Variants in MSI2 observed in about 807,000 individuals in gnomAD.
MSI2 encodes the protein RNA-binding protein Musashi homolog 2.
In MSI2, 17 loss-of-function variants were observed where a neutral mutation model predicts 45.6. That is an observed-to-expected ratio of 0.37 (90% CI 0.26 to 0.56). The LOEUF (loss-of-function observed/expected upper bound fraction) is 0.56, where lower values mean the gene tolerates loss of function less well. MSI2 is among the 20% of genes least tolerant of loss of function. MSI2 has a pLI of 0.77. For missense variants in MSI2, 293 were observed against 444.2 expected (o/e 0.66, Z 3.06); for synonymous variants, 156 against 158.2 (o/e 0.99, Z 0.11).
chr17:57,350,225 G>GGTGCGTGTGT (rs1555584687), intron 5 of MSI2, among the ~76,000 whole-genome samples: 9 of 146,636 alleles, frequency 6.1e-5, no homozygotes, highest in African/African-American at 1.8e-4. Context: ...CAGAGGTAGG[G>GGTGCGTGTGT]GTGTGTGTGT....
rs148540229 is a variant in MSI2 at position 57,257,432 on chromosome 17, TC to T, written c.104-25del. 3.7e-3 allele frequency: 3,750 copies of T among 1,023,566 alleles called. 12 individuals carry two copies. Among genetic ancestry groups the T allele is most frequent in the African/African-American group, 0.012 (697 of 56,444 alleles). The allele number at this position is 1,023,566 out of a possible 1,614,324, so 63.4% of individuals were successfully genotyped here. ...TTGCTTTTTTTTTCCACACCTTCTC[TC>T]CCCCCCCCATCTCTCTCTTTCTCTC... is the stretch of plus-strand genomic sequence containing the variant. On this transcript the variant is annotated intron_variant, in intron 2 of 13. Coordinates refer to ENST00000284073, the MANE Select transcript of MSI2 (RefSeq NM_138962.4).
At chr17:57,466,441 G>A (rs2085332303) in intron 6 of MSI2, among the ~76,000 whole-genome samples, 1 of 152,168 alleles carries the variant, frequency 6.6e-6, no homozygotes, top group Non-Finnish European at 1.5e-5. Context: ...AAGACTGTGC[G>A]ATTTCAAACA....
At position 57,682,243 on chromosome 17, in the gene MSI2, G is replaced by T. The variant is rs1279705250; in HGVS notation, c.*2726G>T. On this transcript the variant is annotated 3_prime_UTR_variant, in exon 14 of 14. Transcript: ENST00000284073. ...TTTCAAGTTTAATTTTATTTTAGCT[G>T]ATCTGATGTGGTTTCAACTAACCCA... 1 of 186,520 alleles carries T rather than the reference G, an allele frequency of 5.4e-6. No homozygotes were observed. The highest frequency in any genetic ancestry group is 1.1e-5 in the Non-Finnish European group (1 of 89,642). The allele number at this position is 186,520 out of a possible 1,614,324, so 11.6% of individuals were successfully genotyped here.
intron 6 of MSI2, among the ~76,000 whole-genome samples, chr17:57,488,277 C>T (rs2085794890): frequency 6.6e-6 from 1 of 152,232 alleles, no homozygotes; most frequent in Admixed American, 6.5e-5. Flanking sequence ...ACATCCTAAA[C>T]ATCCGCCTCC....
rs1007227718 is a variant in MSI2 at position 57,681,300 on chromosome 17, A to G, written c.*1783A>G. 1 of 181,928 alleles carries G rather than the reference A, an allele frequency of 5.5e-6. No individual in the cohort carries two copies. The highest frequency in any genetic ancestry group is 2.4e-5 in the African/African-American group (1 of 42,488). 11.3% of individuals were successfully genotyped at this position (181,928 alleles called of 1,614,324 possible). ...AACAGCAACTATAGAAGTACAACTC[A>G]ATAGATGGCATTAAAACATATTGTA... On this transcript the variant is annotated 3_prime_UTR_variant, in exon 14 of 14. Coordinates refer to ENST00000284073, the MANE Select transcript of MSI2 (RefSeq NM_138962.4).
intron 11 of MSI2, among the ~76,000 whole-genome samples, chr17:57,664,293 T>C (rs4793890): frequency 0.73 from 111,514 of 152,122 alleles, 42,083 homozygotes; most frequent in African/African-American, 0.91. Context: ...CCGAGGCGGC[T>C]GATCACTTGA....
chr17:57,697,259 A>G, the MSI2 span, among the ~76,000 whole-genome samples: 2 of 150,256 alleles, frequency 1.3e-5, no homozygotes, highest in East Asian at 2.0e-4. Flanking sequence ...AGTCTCACAC[A>G]CCCTCTGAGA....
rs149977301 is a variant in MSI2, at chr17:57,643,428, G to A, written c.728-8671G>A. ...AAGGGCCCCGCTGTGGGCAGGCAGG[G>A]AGAGGTCTCTCCCTACTCCTGGTCC... On this transcript the variant is annotated intron_variant, in intron 10 of 13. Coordinates refer to ENST00000284073, the MANE Select transcript of MSI2 (RefSeq NM_138962.4). 4.0e-4 allele frequency among the ~76,000 whole-genome samples: 61 copies of A among 152,390 alleles called. 1 individual carries two copies. In the East Asian group the frequency reaches 0.011, roughly 27 times the overall value.
chr17:57,275,781 T>C (rs1310607633), intron 5 of MSI2, among the ~76,000 whole-genome samples: 2 of 152,164 alleles, frequency 1.3e-5, no homozygotes, highest in Non-Finnish European at 2.9e-5. Flanking sequence ...GAAATAGCAG[T>C]AGATTACATT....
chr17:57,700,187 G>T, the MSI2 span, among the ~76,000 whole-genome samples: 304 of 152,302 alleles, frequency 2.0e-3, 1 homozygote, highest in African/African-American at 7.0e-3. Flanking sequence ...GTGTGTTTAT[G>T]GGCTCCTGTG....
At chr17:57,428,002 G>C (rs1243344548) in intron 6 of MSI2, among the ~76,000 whole-genome samples, 1 of 152,068 alleles carries the variant, frequency 6.6e-6, no homozygotes, top group African/African-American at 2.4e-5. Context: ...TATTTTCACT[G>C]TCTCAGCAAG....
At chr17:57,567,787 C>G (rs2087772189) in intron 7 of MSI2, among the ~76,000 whole-genome samples, 1 of 152,192 alleles carries the variant, frequency 6.6e-6, no homozygotes, top group Non-Finnish European at 1.5e-5. Context: ...ATGTATTTAT[C>G]CTTCTTCATC....
chr17:57,384,692 A>T (rs1482430956), intron 5 of MSI2, among the ~76,000 whole-genome samples: 1 of 152,084 alleles, frequency 6.6e-6, no homozygotes, highest in Non-Finnish European at 1.5e-5. Flanking sequence ...TTTCCAAAAG[A>T]TGCTGGCTAA....
intron 5 of MSI2, among the ~76,000 whole-genome samples, chr17:57,364,535 A>T (rs1917047010): frequency 6.6e-6 from 1 of 152,206 alleles, no homozygotes; most frequent in Non-Finnish European, 1.5e-5. Context: ...CAATCCACAG[A>T]TGGTGTCTAA....
intron 5 of MSI2, among the ~76,000 whole-genome samples, chr17:57,392,438 T>G (rs1274753161): frequency 6.6e-6 from 1 of 152,224 alleles, no homozygotes; most frequent in Non-Finnish European, 1.5e-5. Context: ...TCTGTTGTTT[T>G]AATCAGAGGT....
intron 5 of MSI2, among the ~76,000 whole-genome samples, chr17:57,323,405 G>T (rs533076413): frequency 6.6e-6 from 1 of 152,214 alleles, no homozygotes; most frequent in Non-Finnish European, 1.5e-5. Flanking sequence ...CTCCCAAGTC[G>T]GACTGAGCTC....
intron 5 of MSI2, among the ~76,000 whole-genome samples, chr17:57,326,167 G>A (rs1913774819): frequency 6.6e-6 from 1 of 151,908 alleles, no homozygotes; most frequent in African/African-American, 2.4e-5. Context: ...CAGACCCTTA[G>A]CTACAATTCT....
rs2111020 is a variant in MSI2, at chr17:57,596,565, G to A, written c.455-303G>A. 0.53 allele frequency among the ~76,000 whole-genome samples: 80,524 copies of A among 152,144 alleles called. 21,581 individuals are homozygous for A. The highest frequency in any genetic ancestry group is 0.57 in the Admixed American group (8,718 of 15,296). On this transcript the variant is annotated intron_variant, in intron 7 of 13. Transcript: ENST00000284073. The surrounding 1 kb of genome is among the most constrained non-coding windows in gnomAD (Gnocchi z 4.6). ...CCCGCCTGCTGCCGTGCACAGAGCC[G>A]CGGGGCTCTGACCCTTGTAAATAAC...
At chr17:57,439,215 C>T (rs1443751576) in intron 6 of MSI2, among the ~76,000 whole-genome samples, 1 of 152,194 alleles carries the variant, frequency 6.6e-6, no homozygotes, top group East Asian at 1.9e-4. Context: ...GAAGGCTTGG[C>T]TTCTGGCAGT....
Sources: gnomAD v4.1 joint callset for allele counts (sites outside exome capture counted in the v4.1 genomes callset) on GRCh38, gnomAD v4.1.1 for gene constraint, Gnocchi (gnomAD v3.1) non-coding constraint, MANE v1.5 for transcripts, NCBI Gene and HGNC (gene_info 2026-07-23, HGNC 2026-07-21) for gene names.